Variants in FOXP1 observed in about 807,000 individuals in gnomAD.
FOXP1 encodes the protein forkhead box P1.
Under a neutral mutation model 98.2 loss-of-function variants are expected in FOXP1, and 15 were observed. The ratio of observed to expected loss-of-function variants is 0.15; its 90% CI spans 0.10 to 0.24. The LOEUF (loss-of-function observed/expected upper bound fraction) is 0.24. Ranked by LOEUF, FOXP1 falls within the 10% of genes least tolerant of loss-of-function variation. FOXP1 has a pLI of 1.00. For synonymous variants in FOXP1, 371 were observed against 314.5 expected, an observed-to-expected ratio of 1.18 and a Z score of -1.90; for missense variants, 633 against 848.5, an observed-to-expected ratio of 0.75 and a Z score of 3.15.
chr3:71,323,115 C>A (rs1463992055), intron 4 of FOXP1, among the ~76,000 whole-genome samples: 1 of 152,060 alleles, frequency 6.6e-6, no homozygotes, highest in East Asian at 1.9e-4. Context: ...GGACTACAGA[C>A]ATGCACCACC....
intron 3 of FOXP1, among the ~76,000 whole-genome samples, chr3:71,394,722 T>A (rs2081257233): frequency 6.6e-6 from 1 of 152,158 alleles, no homozygotes; most frequent in Admixed American, 6.6e-5. Flanking sequence ...CTGGAAAAAC[T>A]AAATGGCTCG....
intron 3 of FOXP1, among the ~76,000 whole-genome samples, chr3:71,442,769 G>A (rs1406560274): frequency 4.6e-5 from 7 of 152,230 alleles, no homozygotes; most frequent in African/African-American, 1.4e-4. Flanking sequence ...GATTGCAGGC[G>A]GAGTTGCCTG....
chr3:71,440,329 G>A (rs1030978542), intron 3 of FOXP1, among the ~76,000 whole-genome samples: 2 of 151,792 alleles, frequency 1.3e-5, no homozygotes, highest in Admixed American at 6.6e-5. Flanking sequence ...ACTTTGAGAG[G>A]CCAAGGCAGG....
intron 6 of FOXP1, among the ~76,000 whole-genome samples, chr3:71,142,714 C>G (rs2060127951): frequency 1.3e-5 from 2 of 152,184 alleles, no homozygotes; most frequent in South Asian, 4.1e-4. Flanking sequence ...GACGAGGAAT[C>G]AGTGCAGCTT....
At chr3:71,439,182 T>TC (rs1188543194) in intron 3 of FOXP1, among the ~76,000 whole-genome samples, 1 of 152,212 alleles carries the variant, frequency 6.6e-6, no homozygotes, top group Non-Finnish European at 1.5e-5. Context: ...GCAGCACAGG[T>TC]CCTGATGACA....
rs1345186257 is a variant in FOXP1, at chr3:71,141,163, G to A, written c.181-28526C>T. 6.6e-5 allele frequency among the ~76,000 whole-genome samples: 10 copies of A among 151,170 alleles called. No homozygotes were observed. In the South Asian group the frequency reaches 2.1e-3, roughly 32 times the overall value. On this transcript the variant is annotated intron_variant, in intron 6 of 20. Coordinates refer to ENST00000649528, the MANE Select transcript of FOXP1 (RefSeq NM_001349338.3). ...GGCGCCTGTAGTTCCAGCTACTAGG[G>A]AGGCTGAGGCAGGACAATCAGTTGA...
intron 3 of FOXP1, among the ~76,000 whole-genome samples, chr3:71,426,976 G>A (rs574382647): frequency 1.3e-5 from 2 of 150,812 alleles, no homozygotes; most frequent in East Asian, 2.0e-4. Flanking sequence ...CAGGAGAATC[G>A]TTTGAACCTG....
chr3:71,413,062 G>T (rs1424534168), intron 3 of FOXP1, among the ~76,000 whole-genome samples: 1 of 151,962 alleles, frequency 6.6e-6, no homozygotes, highest in African/African-American at 2.4e-5. Context: ...AAAGGTGGAG[G>T]AGGCAACAAA....
At chr3:71,250,178 C>G (rs142135340) in intron 5 of FOXP1, among the ~76,000 whole-genome samples, 1 of 152,184 alleles carries the variant, frequency 6.6e-6, no homozygotes, top group Non-Finnish European at 1.5e-5. Context: ...TTCCTAGATG[C>G]TAGTAGCACA....
chr3:71,127,991 A>T (rs1291518209), intron 6 of FOXP1, among the ~76,000 whole-genome samples: 1 of 152,184 alleles, frequency 6.6e-6, no homozygotes, highest in African/African-American at 2.4e-5. Context: ...ACTGTATCTG[A>T]GCCTCTGCTG....
At chr3:71,364,910 T>C (rs1180966027) in intron 3 of FOXP1, among the ~76,000 whole-genome samples, 1 of 152,248 alleles carries the variant, frequency 6.6e-6, no homozygotes, top group Non-Finnish European at 1.5e-5. Context: ...TATTTTACTA[T>C]CTTTTAGTCA....
intron 3 of FOXP1, among the ~76,000 whole-genome samples, chr3:71,403,771 G>A (rs910434644): frequency 5.3e-5 from 8 of 151,966 alleles, no homozygotes; most frequent in Admixed American, 2.0e-4. Context: ...AGATTGTTTG[G>A]GCCCAAGAGG....
In FOXP1 at chr3:71,421,900, T is replaced by C. The variant is rs1393239632; in HGVS notation, c.-167-62656A>G. ...CTGAACTGCTGATGGAGCACCTCCA[T>C]GTGAAAAGCTCAGAAGGCAAGTCAT... On this transcript the variant is annotated intron_variant, in intron 3 of 20. Coordinates refer to ENST00000649528, the MANE Select transcript of FOXP1 (RefSeq NM_001349338.3). Among the ~76,000 whole-genome samples, 4 of 152,216 alleles carry C rather than the reference T, an allele frequency of 2.6e-5. No individual in the cohort carries two copies. The East Asian group carries it at 7.7e-4, about 29-fold the overall frequency.
At chr3:71,270,391 TCTAAAAACATTTTATCAAAGTGTCA>T (rs1352828351) in intron 5 of FOXP1, among the ~76,000 whole-genome samples, 6 of 152,156 alleles carry the variant, frequency 3.9e-5, no homozygotes, top group Non-Finnish European at 8.8e-5. Flanking sequence ...AGTGACTGGC[TCTAAAAACATTTTATCAAAGTGTCA>T]CTGGGACCTG....
intron 5 of FOXP1, among the ~76,000 whole-genome samples, chr3:71,295,593 T>C (rs1237799739): frequency 1.3e-5 from 2 of 152,126 alleles, no homozygotes; most frequent in Non-Finnish European, 2.9e-5. Flanking sequence ...ATACACAAAA[T>C]GTGAAGCTTG....
intron 10 of FOXP1, among the ~76,000 whole-genome samples, chr3:71,042,393 CTCTTCG>C: frequency 6.6e-6 from 1 of 152,192 alleles, no homozygotes; most frequent in Non-Finnish European, 1.5e-5. Flanking sequence ...TATTGTGGGC[CTCTTCG>C]TCTTTATCCT....
intron 3 of FOXP1, among the ~76,000 whole-genome samples, chr3:71,465,977 A>G (rs1467003675): frequency 6.6e-6 from 1 of 152,198 alleles, no homozygotes; most frequent in Non-Finnish European, 1.5e-5. Context: ...TCTGGAAACC[A>G]CTACCCCCAA....
intron 3 of FOXP1, among the ~76,000 whole-genome samples, chr3:71,447,899 G>A (rs959038648): frequency 6.6e-6 from 1 of 152,126 alleles, no homozygotes; most frequent in Non-Finnish European, 1.5e-5. Flanking sequence ...TGCAAGTATA[G>A]AATCAGCCAG....
chr3:71,379,505 CA>C (rs1488163638), intron 3 of FOXP1, among the ~76,000 whole-genome samples: 1 of 151,884 alleles, frequency 6.6e-6, no homozygotes, highest in African/African-American at 2.4e-5. Flanking sequence ...AATTTCATAC[CA>C]GGGGTCAGCA....
Sources: gnomAD v4.1 joint callset for allele counts (sites outside exome capture counted in the v4.1 genomes callset) on GRCh38, gnomAD v4.1.1 for gene constraint, MANE v1.5 for transcripts, NCBI Gene and HGNC (gene_info 2026-07-23, HGNC 2026-07-21) for gene names.